Variants in FGF13 observed in about 807,000 individuals in gnomAD.
The protein encoded by FGF13 is fibroblast growth factor homologous factor 2.
In FGF13, 2 loss-of-function variants were observed where a neutral mutation model predicts 19.5. That is an observed-to-expected ratio of 0.10 (90% CI 0.04 to 0.32). The LOEUF (loss-of-function observed/expected upper bound fraction) is 0.32. Ranked by LOEUF, FGF13 falls within the 10% of genes least tolerant of loss-of-function variation. The pLI, the probability that FGF13 is intolerant of heterozygous loss-of-function variation, is 1.00. For missense variants in FGF13, 113 were observed against 192.7 expected, an observed-to-expected ratio of 0.59 and a Z score of 2.45; for synonymous variants, 72 against 76.9, an observed-to-expected ratio of 0.94 and a Z score of 0.33.
chrX:138,837,024 A>C (rs1035306426), intron 3 of FGF13, among the ~76,000 whole-genome samples: 10 of 111,835 alleles, frequency 8.9e-5, no homozygotes, highest in Non-Finnish European at 1.1e-4. Flanking sequence ...ACAGCAAATA[A>C]GGGAGCCAAC....
chrX:138,929,854 C>CTGTGTGTGTG (rs577806507), intron 1 of FGF13, among the ~76,000 whole-genome samples: 8 of 96,287 alleles, frequency 8.3e-5, no homozygotes, highest in African/African-American at 2.0e-4. Flanking sequence ...ACTGCCTTAG[C>CTGTGTGTGTG]TGTGTGTGTG....
chrX:138,789,263 G>C (rs919134156), intron 3 of FGF13, among the ~76,000 whole-genome samples: 3 of 110,320 alleles, frequency 2.7e-5, no homozygotes, highest in African/African-American at 9.9e-5. Flanking sequence ...CCGCCTCCCG[G>C]GTTCAAGCGA....
chrX:138,960,273 A>C (rs956594129), intron 1 of FGF13, among the ~76,000 whole-genome samples: 2 of 111,556 alleles, frequency 1.8e-5, no homozygotes, highest in Admixed American at 9.5e-5. Context: ...TTTCTCCATC[A>C]CTTATGAAAC....
intron 1 of FGF13, among the ~76,000 whole-genome samples, chrX:139,101,914 C>T (rs1375417524): frequency 8.9e-6 from 1 of 112,136 alleles, no homozygotes; most frequent in Non-Finnish European, 1.9e-5. Flanking sequence ...CACAAGAAAA[C>T]TTGAATGTCT....
intron 2 of FGF13, among the ~76,000 whole-genome samples, chrX:138,864,332 A>G (rs1602971931): frequency 8.9e-6 from 1 of 112,813 alleles, no homozygotes; most frequent in East Asian, 2.8e-4. Context: ...TGGTGTGCAC[A>G]TCAACCTCCC....
At chrX:138,874,194 A>T (rs904551142) in intron 1 of FGF13, among the ~76,000 whole-genome samples, 25 of 106,394 alleles carry the variant, frequency 2.3e-4, no homozygotes, top group Non-Finnish European at 4.4e-4. Flanking sequence ...ATTAAAAAAA[A>T]AAAACCATTT....
chrX:139,018,685 G>A (rs941777053), intron 1 of FGF13, among the ~76,000 whole-genome samples: 11 of 111,217 alleles, frequency 9.9e-5, no homozygotes, highest in Non-Finnish European at 1.9e-4. Flanking sequence ...TACAAACCTG[G>A]ATGGCCAAAC....
chrX:138,772,393 GA>G (rs1291467367), intron 3 of FGF13, among the ~76,000 whole-genome samples: 1 of 109,080 alleles, frequency 9.2e-6, no homozygotes, highest in Non-Finnish European at 1.9e-5. Context: ...TGTCCCCTTA[GA>G]AAAGGGGACA....
intron 1 of FGF13, among the ~76,000 whole-genome samples, chrX:139,039,464 T>C (rs2092261816): frequency 8.9e-6 from 1 of 111,962 alleles, no homozygotes; most frequent in South Asian, 3.7e-4. Context: ...AAAGAGAAAT[T>C]CGTAGGCTTG....
intron 3 of FGF13, among the ~76,000 whole-genome samples, chrX:138,699,925 G>A (rs1157094018): frequency 9.0e-6 from 1 of 110,867 alleles, no homozygotes; most frequent in Non-Finnish European, 1.9e-5. Context: ...GCTTTTTCCC[G>A]CTTTATTCAG....
chrX:138,969,863 C>A (rs1397843150), intron 1 of FGF13, among the ~76,000 whole-genome samples: 1 of 111,717 alleles, frequency 9.0e-6, no homozygotes, highest in Non-Finnish European at 1.9e-5. Flanking sequence ...GCAAATCAAT[C>A]AAATCTGTTT....
At chrX:138,963,150 T>G (rs2091881637) in intron 1 of FGF13, among the ~76,000 whole-genome samples, 1 of 112,624 alleles carries the variant, frequency 8.9e-6, no homozygotes. Context: ...TCTTTCAGGT[T>G]CCTAGAGTCT....
chrX:139,131,162 G>A (rs2083757389), intron 1 of FGF13, among the ~76,000 whole-genome samples: 1 of 111,330 alleles, frequency 9.0e-6, no homozygotes. Context: ...TTTAAAAACA[G>A]TTTATGAGAG....
intron 1 of FGF13, among the ~76,000 whole-genome samples, chrX:138,997,029 C>T (rs765811201): frequency 8.9e-6 from 1 of 112,209 alleles, no homozygotes; most frequent in South Asian, 3.7e-4. Flanking sequence ...TGGTGATACC[C>T]AGGCAAACAG....
intron 1 of FGF13, among the ~76,000 whole-genome samples, chrX:138,719,424 A>G (rs182638780): frequency 8.9e-6 from 1 of 112,176 alleles, no homozygotes; most frequent in African/African-American, 3.2e-5. Context: ...ATGTTATTCT[A>G]TGTTTCCTAG....
At chrX:138,708,617 A>G (rs2090014325) in intron 2 of FGF13, among the ~76,000 whole-genome samples, 1 of 112,604 alleles carries the variant, frequency 8.9e-6, no homozygotes, top group African/African-American at 3.2e-5. Flanking sequence ...AGATGGTGTC[A>G]ACATTATTTG....
At chrX:139,182,733 C>A (rs1257514909) in intron 1 of FGF13, among the ~76,000 whole-genome samples, 1 of 111,652 alleles carries the variant, frequency 9.0e-6, no homozygotes, top group Non-Finnish European at 1.9e-5. Flanking sequence ...AGGAAAAATT[C>A]CTGATAAAAG....
chrX:138,641,352 C>CT (rs1161967236), intron 3 of FGF13, among the ~76,000 whole-genome samples: 9 of 111,723 alleles, frequency 8.1e-5, no homozygotes, highest in Non-Finnish European at 9.4e-5. Context: ...CTTCCAGTCA[C>CT]ATTTTCAGTA....
chrX:138,815,603 T>A (rs897617593), intron 3 of FGF13, among the ~76,000 whole-genome samples: 6 of 109,715 alleles, frequency 5.5e-5, no homozygotes, highest in Non-Finnish European at 1.1e-4. Context: ...ATAATAAAGG[T>A]GACATCTCAA....
Sources: allele counts gnomAD v4.1 joint callset (sites outside exome capture counted in the v4.1 genomes callset), GRCh38; gene constraint gnomAD v4.1.1; transcripts MANE v1.5; gene names NCBI Gene and HGNC (gene_info 2026-07-23, HGNC 2026-07-21).